The following SND1 variants were observed in gnomAD, a reference collection of about 807,000 sequenced individuals.
SND1 encodes the protein staphylococcal nuclease and tudor domain containing 1, also known as staphylococcal nuclease domain-containing protein 1.
SND1 carries 38 observed loss-of-function variants against 121.7 expected under a neutral mutation model. That is an observed-to-expected ratio of 0.31 (90% confidence interval 0.24 to 0.41). The LOEUF (loss-of-function observed/expected upper bound fraction) is 0.41, where lower values mean the gene tolerates loss of function less well. SND1 is among the 10% of genes least tolerant of loss of function. SND1 has a pLI of 1.00. For synonymous variants in SND1, 401 were observed against 447.4 expected (o/e 0.90, Z 1.31); for missense variants, 868 against 1,184.6 (o/e 0.73, Z 3.92).
intron 17 of SND1, among the ~76,000 whole-genome samples, chr7:128,076,323 G>T (rs189555999): frequency 6.6e-6 from 1 of 152,202 alleles, no homozygotes; most frequent in Non-Finnish European, 1.5e-5. Context: ...TGACGCTGAG[G>T]AGTAATTACC....
chr7:127,854,021 T>C (rs1201733317), intron 12 of SND1, among the ~76,000 whole-genome samples: 1 of 152,230 alleles, frequency 6.6e-6, no homozygotes, highest in African/African-American at 2.4e-5. Context: ...TCCACTAGTC[T>C]GACCCCATCT....
chr7:127,998,781 C>T (rs561522258), intron 16 of SND1: 1 of 152,366 alleles, frequency 6.6e-6, no homozygotes, highest in Non-Finnish European at 1.5e-5. Context: ...CATTGCCTTT[C>T]TTCCCCTGAC....
intron 10 of SND1, among the ~76,000 whole-genome samples, chr7:127,760,065 T>C (rs567811309): frequency 6.6e-6 from 1 of 152,298 alleles, no homozygotes; most frequent in African/African-American, 2.4e-5. Flanking sequence ...GGACTCCTCA[T>C]GACAGGCTGC....
At chr7:127,976,843 G>T (rs1802131941) in intron 15 of SND1, among the ~76,000 whole-genome samples, 1 of 152,220 alleles carries the variant, frequency 6.6e-6, no homozygotes, top group Admixed American at 6.5e-5. Context: ...GGCTGCTGCT[G>T]AGAGACAGAG....
intron 11 of SND1, among the ~76,000 whole-genome samples, chr7:127,824,683 A>G (rs537950627): frequency 3.3e-5 from 5 of 152,144 alleles, no homozygotes; most frequent in East Asian, 3.8e-4. Flanking sequence ...TTGCACATAT[A>G]TGAGACTCCT....
chr7:128,084,780 C>A lies in SND1; in HGVS notation c.2167C>A (p.Pro723Thr), dbSNP rs192770678. 8.1e-6 allele frequency: 13 copies of A among 1,610,846 alleles called. No individual in the cohort carries two copies. In the East Asian group the frequency reaches 2.7e-4, roughly 33 times the overall value. Residue 723 changes from proline to threonine, a missense_variant, in exon 19 of 24, where the codon CCT becomes ACT. Pro to Thr is a conservative substitution (Grantham distance 38, BLOSUM62 -1). Transcript: ENST00000354725. ...GCGCAATGACATTGCCAGTCACCCC[C>A]CTGTAGAGGGCTCCTATGCCCCCCG... ...NMRNDIASHP[P>T]VEGSYAPRRG...
chr7:127,980,913 A>G (rs1354950520), intron 15 of SND1, among the ~76,000 whole-genome samples: 2 of 148,710 alleles, frequency 1.3e-5, no homozygotes, highest in African/African-American at 4.9e-5. Context: ...ATCAATTAAC[A>G]TGGAATAAAA....
chr7:127,968,310 T>C (rs1389421699), intron 15 of SND1, among the ~76,000 whole-genome samples: 4 of 152,236 alleles, frequency 2.6e-5, no homozygotes, highest in Admixed American at 1.3e-4. Flanking sequence ...TGACTCTACA[T>C]TGGGTTTTGA....
At chr7:127,756,360 G>C (rs1797194315) in intron 10 of SND1, among the ~76,000 whole-genome samples, 1 of 152,172 alleles carries the variant, frequency 6.6e-6, no homozygotes, top group Non-Finnish European at 1.5e-5. Flanking sequence ...TTTATGAAAG[G>C]AATTTATCAT....
chr7:127,923,044 T>A (rs1234292008), intron 14 of SND1, among the ~76,000 whole-genome samples: 2 of 152,180 alleles, frequency 1.3e-5, no homozygotes, highest in Non-Finnish European at 2.9e-5. Flanking sequence ...GGTAGAGTGT[T>A]GTGGCATGAT....
intron 12 of SND1, among the ~76,000 whole-genome samples, chr7:127,848,453 G>A (rs1799107378): frequency 6.6e-6 from 1 of 152,204 alleles, no homozygotes; most frequent in African/African-American, 2.4e-5. Context: ...CTATGCTGAG[G>A]ACATAGAATG....
At chr7:127,957,119 A>C (rs1017272345) in intron 15 of SND1, among the ~76,000 whole-genome samples, 1 of 152,220 alleles carries the variant, frequency 6.6e-6, no homozygotes, top group Non-Finnish European at 1.5e-5. Context: ...GCATGATCCT[A>C]TAGTTCTGTC....
chr7:127,848,911 A>G (rs1216414570), intron 12 of SND1, among the ~76,000 whole-genome samples: 1 of 152,328 alleles, frequency 6.6e-6, no homozygotes, highest in Non-Finnish European at 1.5e-5. Context: ...CTGGTGTGAC[A>G]TAGGCTTCAG....
intron 20 of SND1, 169 bp from the exon 21 acceptor site, chr7:128,086,769 G>A: frequency 1.5e-6 from 1 of 660,504 alleles, no homozygotes; most frequent in East Asian, 2.7e-5. Context: ...TTCTCTCCAG[G>A]CTTCACCCAC....
chr7:127,812,247 A>G (rs1798347548), intron 11 of SND1, among the ~76,000 whole-genome samples: 1 of 152,176 alleles, frequency 6.6e-6, no homozygotes, highest in Admixed American at 6.5e-5. Flanking sequence ...TACATCCTTT[A>G]CATGCTGCAA....
chr7:127,713,095 G>A (rs1272915304), intron 9 of SND1, among the ~76,000 whole-genome samples: 1 of 152,178 alleles, frequency 6.6e-6, no homozygotes, highest in Admixed American at 6.5e-5. Flanking sequence ...TTTCTTAAAG[G>A]ACCACATTGT....
At chr7:127,960,310 C>G (rs1345766504) in intron 15 of SND1, among the ~76,000 whole-genome samples, 3 of 152,200 alleles carry the variant, frequency 2.0e-5, no homozygotes, top group Admixed American at 2.0e-4. Flanking sequence ...CCCGCATTCA[C>G]TTTATTGGTC....
intron 11 of SND1, among the ~76,000 whole-genome samples, chr7:127,839,559 G>A (rs1017690608): frequency 2.6e-5 from 4 of 152,156 alleles, no homozygotes; most frequent in Non-Finnish European, 5.9e-5. Flanking sequence ...ATTGTATGAA[G>A]AATATCCAGA....
intron 12 of SND1, among the ~76,000 whole-genome samples, chr7:127,857,118 C>G (rs1223918288): frequency 2.0e-5 from 3 of 149,294 alleles, no homozygotes; most frequent in African/African-American, 4.9e-5. Flanking sequence ...ATTGCTTGTA[C>G]TAGAACTATG....
Sources: allele counts gnomAD v4.1 joint callset (sites outside exome capture counted in the v4.1 genomes callset), GRCh38; gene constraint gnomAD v4.1.1; transcripts MANE v1.5; gene names NCBI Gene and HGNC (gene_info 2026-07-23, HGNC 2026-07-21).